The following MEMO1 variants were observed in gnomAD, a reference collection of about 807,000 sequenced individuals.
MEMO1 encodes mediator of cell motility 1, also known as protein MEMO1.
MEMO1 carries 6 observed loss-of-function variants against 45.2 expected under a neutral mutation model. The observed-to-expected ratio is 0.13, with a 90% confidence interval of 0.07 to 0.26. The LOEUF is 0.26. Among genes scored for constraint, MEMO1 ranks in the 10% least tolerant of loss-of-function variants. The pLI is 1.00. For missense variants in MEMO1, 184 were observed against 370.5 expected (o/e 0.50, Z 4.13); for synonymous variants, 78 against 124.3 (o/e 0.63, Z 2.48).
intron 2 of MEMO1, among the ~76,000 whole-genome samples, chr2:31,955,620 T>C (rs1259961172): frequency 6.6e-6 from 1 of 152,200 alleles, no homozygotes; most frequent in Non-Finnish European, 1.5e-5. Flanking sequence ...TTTTTTTTCT[T>C]TTTTTGTGAC....
chr2:31,963,087 T>C, intron 2 of MEMO1: 1 of 1,391,722 alleles, frequency 7.2e-7, no homozygotes, highest in East Asian at 2.6e-5. Context: ...TCCTAAGTCT[T>C]GAGTCAACCA....
intron 2 of MEMO1, among the ~76,000 whole-genome samples, chr2:31,983,183 C>T (rs1670862685): frequency 6.6e-6 from 1 of 152,002 alleles, no homozygotes; most frequent in Non-Finnish European, 1.5e-5. Flanking sequence ...ATCGCTTGAA[C>T]CCAGGAGGCA....
At chr2:31,977,922 T>C (rs1670192791) in intron 2 of MEMO1, among the ~76,000 whole-genome samples, 1 of 152,180 alleles carries the variant, frequency 6.6e-6, no homozygotes, top group African/African-American at 2.4e-5. Flanking sequence ...TAAACATACA[T>C]GGTTAATAAT....
At chr2:31,974,169 A>G (rs1669733364) in intron 2 of MEMO1, among the ~76,000 whole-genome samples, 1 of 149,012 alleles carries the variant, frequency 6.7e-6, no homozygotes, top group African/African-American at 2.4e-5. Flanking sequence ...CTTCCTCTGT[A>G]ATACAAAAAT....
chr2:31,958,626 GTGTGTGGTGTTTTGTT>G (rs1477775791), intron 2 of MEMO1, among the ~76,000 whole-genome samples: 3 of 152,106 alleles, frequency 2.0e-5, no homozygotes, highest in Non-Finnish European at 4.4e-5. Flanking sequence ...CCTCCAAACT[GTGTGTGGTGTTTTGTT>G]TTGTTTTGTT....
chr2:31,969,593 GT>G lies in MEMO1; in HGVS notation c.62-26211del, dbSNP rs1558542046. 3.8e-4 allele frequency among the ~76,000 whole-genome samples: 26 copies of G among 68,932 alleles called. 1 individual carries two copies. Among genetic ancestry groups the G allele is most frequent in the East Asian group, 1.1e-3 (5 of 4,394 alleles). The allele number at this position is 68,932 out of a possible 152,430, so 45.2% of individuals were successfully genotyped here. On this transcript the variant is annotated intron_variant, in intron 2 of 9. Coordinates refer to ENST00000404530, the MANE Select transcript of MEMO1 (RefSeq NM_001301833.4). ...TCTGGGGGTGTGTGTGTGGGTGTGT[GT>G]GTGTGTGTGTGTGTGTGTGTGTGTG...
At chr2:31,979,502 T>C (rs1670396219) in intron 2 of MEMO1, among the ~76,000 whole-genome samples, 1 of 152,140 alleles carries the variant, frequency 6.6e-6, no homozygotes, top group South Asian at 2.1e-4. Context: ...GTAAAATATA[T>C]TTAATTCCTG....
chr2:31,977,560 C>T (rs1427656674), intron 2 of MEMO1, among the ~76,000 whole-genome samples: 2 of 152,144 alleles, frequency 1.3e-5, no homozygotes, highest in Non-Finnish European at 2.9e-5. Context: ...GTCACCCAGG[C>T]TGGAGTACAG....
intron 2 of MEMO1, among the ~76,000 whole-genome samples, chr2:31,944,277 TAAGA>T (rs953650120): frequency 2.6e-5 from 4 of 152,218 alleles, no homozygotes; most frequent in African/African-American, 9.6e-5. Flanking sequence ...CTCCTATCTT[TAAGA>T]TAGAGAATTA....
chr2:32,002,013 G>C (rs949888266), intron 2 of MEMO1, among the ~76,000 whole-genome samples: 1 of 151,444 alleles, frequency 6.6e-6, no homozygotes, highest in South Asian at 2.1e-4. Context: ...GAGTGTGGTG[G>C]CACATGCCTG....
chr2:31,938,731 T>C (rs1250375909), intron 3 of MEMO1, among the ~76,000 whole-genome samples: 1 of 151,830 alleles, frequency 6.6e-6, no homozygotes, highest in Non-Finnish European at 1.5e-5. Flanking sequence ...AGTTTTTGAT[T>C]AATGTGATTT....
intron 2 of MEMO1, among the ~76,000 whole-genome samples, chr2:31,949,610 G>A (rs923834399): frequency 7.2e-5 from 9 of 125,456 alleles, no homozygotes; most frequent in Non-Finnish European, 1.4e-4. Context: ...GTATTGGAGG[G>A]TTGGATAGGA....
rs187304763 is a variant in MEMO1, at chr2:31,984,126, C to A, written c.61+26061G>T. The stretch of plus-strand genomic sequence containing the variant: ...ATCCAAAGTGTGGGTTGGACTTCAG[C>A]GACTCACATCCAAAGAACAGAATAC... On this transcript the variant is annotated intron_variant, in intron 2 of 9. Transcript: ENST00000404530. Among the ~76,000 whole-genome samples, 36 of 152,294 alleles carry A rather than the reference C, an allele frequency of 2.4e-4. No individual in the cohort carries two copies. The South Asian group carries it at 7.5e-3, about 32-fold the overall frequency.
intron 6 of MEMO1, among the ~76,000 whole-genome samples, chr2:31,917,153 A>T (rs1224208092): frequency 6.6e-6 from 1 of 152,194 alleles, no homozygotes; most frequent in Non-Finnish European, 1.5e-5. Flanking sequence ...TAATATAATG[A>T]ACAAATCCAG....
chr2:31,966,780 T>C (rs2148437643), intron 2 of MEMO1, among the ~76,000 whole-genome samples: 1 of 151,196 alleles, frequency 6.6e-6, no homozygotes, highest in East Asian at 1.9e-4. Flanking sequence ...ATAAAATCTT[T>C]GGAAAAATAT....
At chr2:31,961,593 T>C (rs1249841914) in intron 2 of MEMO1, among the ~76,000 whole-genome samples, 1 of 149,888 alleles carries the variant, frequency 6.7e-6, no homozygotes, top group African/African-American at 2.5e-5. Context: ...TGAGACTCTG[T>C]CTCTATAAAA....
At chr2:31,931,263 A>G (rs754879777) in intron 4 of MEMO1, among the ~76,000 whole-genome samples, 2 of 152,196 alleles carry the variant, frequency 1.3e-5, no homozygotes, top group Non-Finnish European at 2.9e-5. Context: ...TGGTCTGTGC[A>G]TGATTTTCTT....
At chr2:31,940,442 C>T (rs1238729136) in intron 3 of MEMO1, among the ~76,000 whole-genome samples, 1 of 152,200 alleles carries the variant, frequency 6.6e-6, no homozygotes, top group Non-Finnish European at 1.5e-5. Flanking sequence ...CTCCATACTT[C>T]CACTTGTCTT....
chr2:31,971,857 C>A (rs1442220747), intron 2 of MEMO1, among the ~76,000 whole-genome samples: 1 of 152,134 alleles, frequency 6.6e-6, no homozygotes, highest in Non-Finnish European at 1.5e-5. Context: ...ATAATCCCAG[C>A]TGCTCGGGAG....
Sources: gnomAD v4.1 joint callset for allele counts (sites outside exome capture counted in the v4.1 genomes callset) on GRCh38, gnomAD v4.1.1 for gene constraint, MANE v1.5 for transcripts, NCBI Gene and HGNC (gene_info 2026-07-23, HGNC 2026-07-21) for gene names.